Variants in SLC14A2 observed in about 807,000 individuals in gnomAD.
SLC14A2 encodes the protein urea transporter 2.
In SLC14A2, 91 loss-of-function variants were observed where a neutral mutation model predicts 104.6. That is an observed-to-expected ratio of 0.87 (90% CI 0.73 to 1.04). The LOEUF (loss-of-function observed/expected upper bound fraction) is 1.04. Ranked by LOEUF, SLC14A2 falls within the 50% of genes least tolerant of loss-of-function variation. The pLI is 0.00. For synonymous variants in SLC14A2, 476 were observed against 466.4 expected, an observed-to-expected ratio of 1.02 and a Z score of -0.27; for missense variants, 1,189 against 1,156.0, an observed-to-expected ratio of 1.03 and a Z score of -0.41.
chr18:45,256,513 C>T (rs1206577041), intron 1 of SLC14A2, among the ~76,000 whole-genome samples: 1 of 152,210 alleles, frequency 6.6e-6, no homozygotes, highest in Admixed American at 6.5e-5. Flanking sequence ...TCTTACAACT[C>T]CAATGCCTCA....
intron 1 of SLC14A2, among the ~76,000 whole-genome samples, chr18:45,242,159 G>A (rs1007491741): frequency 2.0e-5 from 3 of 152,118 alleles, no homozygotes. Flanking sequence ...CTGGGGGTTT[G>A]GGAGCAGATG....
chr18:45,306,896 T>C (rs1311757765), intron 1 of SLC14A2, among the ~76,000 whole-genome samples: 8 of 152,134 alleles, frequency 5.3e-5, no homozygotes, highest in Non-Finnish European at 1.2e-4. Context: ...TCTGTTCTCA[T>C]TTTTTTCTCT....
intron 1 of SLC14A2, among the ~76,000 whole-genome samples, chr18:45,429,154 T>C (rs1239223857): frequency 6.6e-6 from 1 of 152,262 alleles, no homozygotes; most frequent in Admixed American, 6.5e-5. Context: ...TCCATATTTA[T>C]TGGCATAAAG....
At chr18:45,264,202 A>C (rs909610962) in intron 1 of SLC14A2, among the ~76,000 whole-genome samples, 1 of 152,150 alleles carries the variant, frequency 6.6e-6, no homozygotes, top group Non-Finnish European at 1.5e-5. Context: ...CACAGAGTTC[A>C]TTTGAGCCTT....
chr18:45,444,017 A>T (rs1834874811), intron 1 of SLC14A2, among the ~76,000 whole-genome samples: 1 of 152,214 alleles, frequency 6.6e-6, no homozygotes, highest in East Asian at 1.9e-4. Context: ...GAAAAAGTAA[A>T]GAGGACAAGG....
chr18:45,496,567 G>T (rs1177849617), intron 2 of SLC14A2, among the ~76,000 whole-genome samples: 1 of 152,118 alleles, frequency 6.6e-6, no homozygotes, highest in Non-Finnish European at 1.5e-5. Flanking sequence ...GGAGTTCGAG[G>T]CCAGCCTGGC....
At chr18:45,309,134 A>G (rs892979664) in intron 1 of SLC14A2, among the ~76,000 whole-genome samples, 2 of 152,164 alleles carry the variant, frequency 1.3e-5, no homozygotes, top group Non-Finnish European at 2.9e-5. Flanking sequence ...CCAAGGTTCT[A>G]TCCTCTGGAA....
At chr18:45,464,029 G>A (rs2087093975) in intron 1 of SLC14A2, among the ~76,000 whole-genome samples, 1 of 152,176 alleles carries the variant, frequency 6.6e-6, no homozygotes, top group African/African-American at 2.4e-5. Context: ...TAAAATAAAT[G>A]AGATACAAGA....
chr18:45,662,224 T>A (rs2045947417), intron 10 of SLC14A2, among the ~76,000 whole-genome samples: 1 of 151,966 alleles, frequency 6.6e-6, no homozygotes, highest in Admixed American at 6.6e-5. Context: ...ATTGCTTGAA[T>A]CCGGGAGGTG....
chr18:45,672,089 C>A (rs2046149375), intron 16 of SLC14A2, among the ~76,000 whole-genome samples: 1 of 152,192 alleles, frequency 6.6e-6, no homozygotes, highest in Admixed American at 6.5e-5. Context: ...GCGATACTAC[C>A]TTCTCCTGGC....
chr18:45,633,600 C>T (rs2045377981), intron 5 of SLC14A2, among the ~76,000 whole-genome samples: 1 of 152,178 alleles, frequency 6.6e-6, no homozygotes, highest in Non-Finnish European at 1.5e-5. Flanking sequence ...GAACCTTTGT[C>T]CCCCAGACCC....
At chr18:45,490,441 A>G (rs1347718286) in intron 2 of SLC14A2, among the ~76,000 whole-genome samples, 1 of 152,252 alleles carries the variant, frequency 6.6e-6, no homozygotes, top group Non-Finnish European at 1.5e-5. Context: ...TATGCAAAAT[A>G]ACACAAAATA....
intron 16 of SLC14A2, among the ~76,000 whole-genome samples, chr18:45,669,740 G>A (rs1467479612): frequency 1.3e-5 from 2 of 152,198 alleles, no homozygotes; most frequent in Non-Finnish European, 2.9e-5. Context: ...TAAGAGACCT[G>A]CCTTAGGTCT....
At position 45,661,064 on chromosome 18, in the gene SLC14A2, C is replaced by T. The variant is rs148377670; in HGVS notation, c.1352-2721C>T. 3.0e-4 allele frequency among the ~76,000 whole-genome samples: 45 copies of T among 152,248 alleles called. 1 individual carries two copies. In the East Asian group the frequency reaches 4.2e-3, roughly 14 times the overall value. ...TCTGTTTTTGATTTTTGCAGCTGGGCCATCAACTCTAGGAACACATAGCAC... is the reference window on the plus strand; with the variant it reads ...TCTGTTTTTGATTTTTGCAGCTGGGTCATCAACTCTAGGAACACATAGCAC... On this transcript the variant is annotated intron_variant, in intron 10 of 19. Transcript: ENST00000255226.
At chr18:45,200,125 TATAA>T in the SLC14A2 span, among the ~76,000 whole-genome samples, 1 of 152,128 alleles carries the variant, frequency 6.6e-6, no homozygotes, top group African/African-American at 2.4e-5. Flanking sequence ...TATTTTAAAA[TATAA>T]ATAAATGTAT....
chr18:45,564,885 A>G (rs1028944200), intron 2 of SLC14A2, among the ~76,000 whole-genome samples: 1 of 152,154 alleles, frequency 6.6e-6, no homozygotes, highest in Admixed American at 6.5e-5. Context: ...CAGCAGTATA[A>G]CAATTCAAAC....
intron 1 of SLC14A2, among the ~76,000 whole-genome samples, chr18:45,266,228 C>T (rs531891568): frequency 2.2e-4 from 33 of 152,182 alleles, no homozygotes; most frequent in African/African-American, 7.2e-4. Flanking sequence ...AGTAAGGCCA[C>T]GCCATCAGTC....
chr18:45,494,881 T>C (rs547664070), intron 2 of SLC14A2, among the ~76,000 whole-genome samples: 2 of 149,090 alleles, frequency 1.3e-5, no homozygotes, highest in African/African-American at 5.0e-5. Flanking sequence ...CCAGAGCTTT[T>C]TAAAACAGAA....
At chr18:45,456,209 C>T (rs1272186745) in intron 1 of SLC14A2, among the ~76,000 whole-genome samples, 1 of 152,058 alleles carries the variant, frequency 6.6e-6, no homozygotes, top group Non-Finnish European at 1.5e-5. Flanking sequence ...TAAAATCATC[C>T]CCTGTTCAGA....
Sources: gnomAD v4.1 joint callset for allele counts (sites outside exome capture counted in the v4.1 genomes callset) on GRCh38, gnomAD v4.1.1 for gene constraint, MANE v1.5 for transcripts, NCBI Gene and HGNC (gene_info 2026-07-23, HGNC 2026-07-21) for gene names.